TUFT1: variants seen among roughly 807,000 people sequenced by gnomAD.
TUFT1 encodes the protein tuftelin.
Under a neutral mutation model 57.8 loss-of-function variants are expected in TUFT1, and 43 were observed. That is an observed-to-expected ratio of 0.74 (90% CI 0.58 to 0.96). TUFT1 has a LOEUF of 0.96. TUFT1 is among the 40% of genes least tolerant of loss of function. The probability of loss-of-function intolerance (pLI) is 0.00; values close to 1 mark genes in which losing one functional copy is unlikely to be tolerated. For missense variants in TUFT1, 459 were observed against 489.0 expected, an observed-to-expected ratio of 0.94 and a Z score of 0.58; for synonymous variants, 166 against 176.7, an observed-to-expected ratio of 0.94 and a Z score of 0.48.
chr1:151,555,339 A>G (rs1278906321), intron 1 of TUFT1, among the ~76,000 whole-genome samples: 2 of 151,516 alleles, frequency 1.3e-5, no homozygotes, highest in Non-Finnish European at 2.9e-5. Flanking sequence ...AAAAAAAAAA[A>G]AAAAATTATA....
At chr1:151,564,701 C>A in intron 5 of TUFT1, 87 bp downstream of exon 5, 2 of 1,079,116 alleles carry the variant, frequency 1.9e-6, no homozygotes, top group Non-Finnish European at 1.4e-6. Context: ...CCAGTGTGTG[C>A]TAAATCTAGC....
chr1:151,552,707 C>CAAAAAAAAAA, intron 1 of TUFT1, among the ~76,000 whole-genome samples: 1 of 53,478 alleles, frequency 1.9e-5, no homozygotes, highest in Non-Finnish European at 3.0e-5. Context: ...GACTCTGTCT[C>CAAAAAAAAAA]AAAAAAAAAA....
chr1:151,554,299 T>C (rs1665601408), intron 1 of TUFT1, among the ~76,000 whole-genome samples: 1 of 152,258 alleles, frequency 6.6e-6, no homozygotes, highest in African/African-American at 2.4e-5. Context: ...TTAATCATTT[T>C]GTTTAGTAGG....
At chr1:151,564,815 TC>T (rs1243670301) in intron 5 of TUFT1, 8 of 493,696 alleles carry the variant, frequency 1.6e-5, no homozygotes, top group African/African-American at 1.5e-4. Context: ...TTTACACATG[TC>T]AGCTTAAACA....
In TUFT1 at chr1:151,540,340, G is replaced by T. The variant is rs1324037284; in HGVS notation, c.-27G>T. The T allele has an allele frequency of 1.2e-6, 2 of 1,613,936 alleles. No homozygotes were observed. Among genetic ancestry groups the T allele is most frequent in the Non-Finnish European group, 1.7e-6 (2 of 1,179,966 alleles). On this transcript the variant is annotated 5_prime_UTR_variant, in exon 1 of 13. Transcript: ENST00000368849. ...AGCCAGACAGCGGGGTGGACAAGTG[G>T]CGTGTGTGCTGCGACCCCGAGGGAA...
At chr1:151,562,382 C>T in intron 2 of TUFT1, 2 of 636,812 alleles carry the variant, frequency 3.1e-6, no homozygotes, top group South Asian at 3.8e-5. Context: ...TCTGTCCATT[C>T]TCCCTGGCCG....
intron 1 of TUFT1, among the ~76,000 whole-genome samples, chr1:151,558,792 T>TC (rs1665793211): frequency 6.6e-6 from 1 of 151,810 alleles, no homozygotes; most frequent in African/African-American, 2.4e-5. Flanking sequence ...TTTTTTTTTT[T>TC]TTTTCTTTTT....
chr1:151,550,694 T>C (rs985683182), intron 1 of TUFT1, among the ~76,000 whole-genome samples: 1 of 152,242 alleles, frequency 6.6e-6, no homozygotes, highest in African/African-American at 2.4e-5. Context: ...TTCATGTCAA[T>C]GCATGTTTCA....
rs11435666 is a variant in TUFT1 at position 151,548,305 on chromosome 1, CT to C, written c.60+7895del. On this transcript the variant is annotated intron_variant, in intron 1 of 12. Transcript: ENST00000368849. ...TACTTTTCTTTTTTCTTTTTCTTTT[CT>C]TTTTTTTTTTTTTTTGAGACGGAGT... Among the ~76,000 whole-genome samples the C allele has an allele frequency of 6.0e-3, 780 of 130,532 alleles. 2 individuals carry two copies. The highest frequency in any genetic ancestry group is 0.02 in the African/African-American group (711 of 35,386). The allele number at this position is 130,532 out of a possible 152,430, so 85.6% of individuals were successfully genotyped here. A position where few individuals can be genotyped will look rare whatever the true frequency, so the allele number is the denominator to read the frequency against.
chr1:151,555,824 A>G (rs1048923309), intron 1 of TUFT1, among the ~76,000 whole-genome samples: 2 of 152,022 alleles, frequency 1.3e-5, no homozygotes. Context: ...ATGCAGTTAT[A>G]AGAAATAATA....
rs571588364 is a variant in TUFT1 at position 151,574,295 on chromosome 1, A to G, written c.620A>G (p.Glu207Gly). Residue 207 changes from glutamate (E) to glycine (G), a missense_variant, in exon 8 of 13, where the codon GAA (glutamate) becomes GGA (glycine). Glu to Gly is a moderately conservative substitution (Grantham distance 98). Transcript: ENST00000368849. ...FEVTLSRYQREAEQSNVALQR... is the reference protein window; with the variant it reads ...FEVTLSRYQRGAEQSNVALQR... ...GTCACACTCAGCCGGTACCAGAGGG[A>G]AGCAGAACAAAGTAATGTGGCCCTT... is the stretch of plus-strand genomic sequence containing the variant. The G allele has an allele frequency of 1.2e-6, 2 of 1,614,008 alleles. No homozygotes were observed. The highest frequency in any genetic ancestry group is 4.5e-5 in the East Asian group (2 of 44,862).
chr1:151,581,166 G>T, intron 12 of TUFT1, 124 bp downstream of exon 12: 1 of 894,242 alleles, frequency 1.1e-6, no homozygotes, highest in Non-Finnish European at 1.7e-6. Context: ...TCCTCCCTCA[G>T]TCTGACCCAC....
intron 11 of TUFT1, 99 bp from the exon 12 acceptor site, chr1:151,580,843 C>T: frequency 9.6e-7 from 1 of 1,041,974 alleles, no homozygotes; most frequent in Non-Finnish European, 1.5e-6. Flanking sequence ...GAGGCAACAG[C>T]AGCATAAACA....
intron 1 of TUFT1, among the ~76,000 whole-genome samples, chr1:151,547,065 T>C (rs1665364470): frequency 6.6e-6 from 1 of 152,216 alleles, no homozygotes; most frequent in Non-Finnish European, 1.5e-5. Flanking sequence ...GTTTGGTGGC[T>C]GCCTGTTCCT....
intron 1 of TUFT1, among the ~76,000 whole-genome samples, chr1:151,559,878 C>A (rs866020572): frequency 2.1e-4 from 32 of 151,920 alleles, no homozygotes; most frequent in Admixed American, 1.6e-3. Context: ...ACTTTAACCT[C>A]CGCCTCCCTG....
chr1:151,581,781 A>G lies in TUFT1; in HGVS notation c.*74A>G. The G allele has an allele frequency of 1.3e-6, 2 of 1,508,804 alleles. No individual in the cohort carries two copies. Among genetic ancestry groups the G allele is most frequent in the Admixed American group, 1.7e-5 (1 of 59,320 alleles). The allele number at this position is 1,508,804 out of a possible 1,614,324, so 93.5% of individuals were successfully genotyped here. On this transcript the variant is annotated 3_prime_UTR_variant, in exon 13 of 13. Transcript: ENST00000368849. ...AGCCCACTGCCCCTGTTGGCTGTTAACACTGCCTTTGACTTCCTGACTGTC... is the reference window on the plus strand; with the variant it reads ...AGCCCACTGCCCCTGTTGGCTGTTAGCACTGCCTTTGACTTCCTGACTGTC...
chr1:151,566,349 T>C (rs1279100794), intron 6 of TUFT1, 121 bp downstream of exon 6: 6 of 775,658 alleles, frequency 7.7e-6, no homozygotes, highest in East Asian at 2.8e-5. Flanking sequence ...AGAGTAGTAG[T>C]TGACATAAAA....
Position 151,581,698 on chromosome 1 carries a change from G to A in TUFT1, c.1164G>A (p.Val388=), listed in dbSNP as rs1374673763. ...AGCCCATGCCTGTCATCCGAGTGGT[G>A]GAAACCTGAGCTGCCTGGAGATGGT... ...SPKPMPVIRV[V]ET is the part of the protein sequence containing the mutation. The change falls in exon 13 of 13, where the codon GTG becomes GTA. Residue 388 remains valine, a synonymous_variant. Transcript: ENST00000368849. The A allele has an allele frequency of 1.2e-6, 2 of 1,614,020 alleles. No homozygotes were observed. Among genetic ancestry groups the A allele is most frequent in the South Asian group, 1.1e-5 (1 of 91,080 alleles).
chr1:151,577,935 A>C (rs973688171), intron 9 of TUFT1, among the ~76,000 whole-genome samples: 4 of 151,710 alleles, frequency 2.6e-5, no homozygotes, highest in African/African-American at 9.7e-5. Flanking sequence ...CTGAGGTAGG[A>C]GGATTGCTTG....
Sources: gnomAD v4.1 joint callset for allele counts (sites outside exome capture counted in the v4.1 genomes callset) on GRCh38, gnomAD v4.1.1 for gene constraint, MANE v1.5 for transcripts, NCBI Gene and HGNC (gene_info 2026-07-23, HGNC 2026-07-21) for gene names.